TMEM87B: variants seen among roughly 807,000 people sequenced by gnomAD.
TMEM87B encodes transmembrane protein 87B.
In TMEM87B, 83 loss-of-function variants were observed where a neutral mutation model predicts 80.3. The ratio of observed to expected loss-of-function variants is 1.03; its 90% confidence interval spans 0.87 to 1.24. The LOEUF is 1.24. Among genes scored for constraint, TMEM87B ranks in the 50% most tolerant of loss-of-function variants. The pLI, the probability that TMEM87B is intolerant of heterozygous loss-of-function variation, is 0.00. For synonymous variants in TMEM87B, 219 were observed against 230.5 expected (o/e 0.95, Z 0.45); for missense variants, 625 against 674.4 (o/e 0.93, Z 0.81).
At chr2:112,067,098 AT>A (rs1178460593) in intron 4 of TMEM87B, 31 bp downstream of exon 4, 32 of 1,602,706 alleles carry the variant, frequency 2.0e-5, no homozygotes, top group Non-Finnish European at 2.6e-5. Flanking sequence ...GTTAAAGTTT[AT>A]TTTATTCCCA....
intron 9 of TMEM87B, 129 bp downstream of exon 9, chr2:112,086,233 A>T (rs1679142458): frequency 1.6e-6 from 1 of 610,220 alleles, no homozygotes; most frequent in African/African-American, 1.9e-5. Context: ...AATCTACAAG[A>T]ACACATTTTT....
At chr2:112,072,409 C>A (rs147376686) in intron 4 of TMEM87B, among the ~76,000 whole-genome samples, 1 of 152,152 alleles carries the variant, frequency 6.6e-6, no homozygotes, top group Non-Finnish European at 1.5e-5. Flanking sequence ...ATCTGGTCTT[C>A]GGCCTTTTTT....
At chr2:112,064,340 G>C in intron 3 of TMEM87B, 87 bp downstream of exon 3, 1 of 1,120,754 alleles carries the variant, frequency 8.9e-7, no homozygotes, top group Non-Finnish European at 1.3e-6. Context: ...GAGGAGGCTA[G>C]AAATAGAGAT....
intron 5 of TMEM87B, among the ~76,000 whole-genome samples, chr2:112,076,501 G>C (rs185383773): frequency 2.6e-5 from 4 of 151,788 alleles, no homozygotes; most frequent in Admixed American, 2.6e-4. Flanking sequence ...CACCACACCC[G>C]GCTAATTTTT....
intron 17 of TMEM87B, among the ~76,000 whole-genome samples, chr2:112,109,767 T>TTC (rs2104507289): frequency 6.8e-6 from 1 of 146,708 alleles, no homozygotes; most frequent in East Asian, 2.0e-4. Context: ...TACTTTTTTT[T>TTC]TTTTTTTTTT....
rs1008460722 is a variant in TMEM87B at position 112,071,762 on chromosome 2, G to A, written c.451-3150G>A. ...GTTTGACTTCTTCTCTTCCTATTTG[G>A]GTGCCCTTTATTTCTTTCTCTTACT... On this transcript the variant is annotated intron_variant, in intron 4 of 18. Coordinates refer to ENST00000283206, the MANE Select transcript of TMEM87B (RefSeq NM_032824.3). 2.0e-5 allele frequency among the ~76,000 whole-genome samples: 3 copies of A among 152,162 alleles called. 1 individual carries two copies. Among genetic ancestry groups the A allele is most frequent in the African/African-American group, 7.2e-5 (3 of 41,510 alleles).
chr2:112,096,581 G>T (rs1679475303), intron 11 of TMEM87B, among the ~76,000 whole-genome samples: 1 of 152,180 alleles, frequency 6.6e-6, no homozygotes, highest in South Asian at 2.1e-4. Flanking sequence ...AATGGAATTG[G>T]TAGATGACCT....
intron 11 of TMEM87B, among the ~76,000 whole-genome samples, chr2:112,093,300 C>CTAAAAT: frequency 6.6e-6 from 1 of 152,296 alleles, no homozygotes; most frequent in South Asian, 2.1e-4. Flanking sequence ...TGCTACAAAC[C>CTAAAAT]TAAAATTTGT....
chr2:112,056,831 G>C (rs780785294), intron 1 of TMEM87B, among the ~76,000 whole-genome samples: 3 of 152,112 alleles, frequency 2.0e-5, no homozygotes, highest in Non-Finnish European at 4.4e-5. Context: ...CCTAATTTGT[G>C]TGCCAGTTAT....
rs1678982335 is a variant in TMEM87B at position 112,081,127 on chromosome 2, T to C, written c.654+9T>C. ...ATTGGCCCCTAATGATTGTGAGTAT[T>C]TCTCATCATTTTTTCCTTTTTAAAA... On this transcript the variant is annotated intron_variant, in intron 7 of 18. Transcript: ENST00000283206. The C allele has an allele frequency of 6.2e-7, 1 of 1,611,474 alleles. No homozygotes were observed. The highest frequency in any genetic ancestry group is 1.3e-5 in the African/African-American group (1 of 74,898).
At chr2:112,070,362 G>A (rs186161241) in intron 4 of TMEM87B, among the ~76,000 whole-genome samples, 3 of 152,296 alleles carry the variant, frequency 2.0e-5, no homozygotes, top group Admixed American at 2.0e-4. Flanking sequence ...TATAATGTAA[G>A]CAAAGGGTCC....
At chr2:112,086,571 G>A (rs899202189) in intron 9 of TMEM87B, among the ~76,000 whole-genome samples, 3 of 152,144 alleles carry the variant, frequency 2.0e-5, no homozygotes, top group Non-Finnish European at 2.9e-5. Context: ...GAATCACTGG[G>A]CATAACTATG....
Position 112,081,137 on chromosome 2 carries a change from T to G in TMEM87B, c.654+19T>G. ...AATGATTGTGAGTATTTCTCATCAT[T>G]TTTTCCTTTTTAAAAAATGAATTTT... On this transcript the variant is annotated intron_variant, in intron 7 of 18. Coordinates refer to ENST00000283206, the MANE Select transcript of TMEM87B (RefSeq NM_032824.3). 1.2e-6 allele frequency: 2 copies of G among 1,609,988 alleles called. No individual in the cohort carries two copies. Among genetic ancestry groups the G allele is most frequent in the Non-Finnish European group, 1.7e-6 (2 of 1,178,522 alleles).
rs1033748225 is a variant in TMEM87B, at chr2:112,055,376, G to A, written c.-216G>A. On this transcript the variant is annotated 5_prime_UTR_variant, in exon 1 of 19. Transcript: ENST00000283206. ...CAGGCATCTCCCAGCTGCACGCTCG[G>A]GCCCGGCTCAGAGCCCTAAGCCCTG... is the stretch of plus-strand genomic sequence containing the variant. 1.9e-6 allele frequency: 1 copy of A among 539,146 alleles called. No homozygotes were observed. Among genetic ancestry groups the A allele is most frequent in the Non-Finnish European group, 3.2e-6 (1 of 316,514 alleles). 33.4% of individuals were successfully genotyped at this position (539,146 alleles called of 1,614,324 possible).
At chr2:112,097,426 CAG>C in intron 13 of TMEM87B, 135 bp downstream of exon 13, 1 of 890,290 alleles carries the variant, frequency 1.1e-6, no homozygotes, top group South Asian at 1.9e-5. Context: ...CTATTTTTTA[CAG>C]AGTTATAAAA....
At chr2:112,086,807 G>GGA (rs1425827533) in intron 9 of TMEM87B, among the ~76,000 whole-genome samples, 1 of 152,092 alleles carries the variant, frequency 6.6e-6, no homozygotes, top group African/African-American at 2.4e-5. Flanking sequence ...TGGGGTCTCA[G>GGA]GAGCCATGTG....
intron 17 of TMEM87B, among the ~76,000 whole-genome samples, chr2:112,111,769 A>G (rs1679924694): frequency 6.6e-6 from 1 of 152,230 alleles, no homozygotes; most frequent in Non-Finnish European, 1.5e-5. Flanking sequence ...GATATGTATT[A>G]TGAGATATTG....
At chr2:112,065,740 T>C (rs1487218289) in intron 3 of TMEM87B, among the ~76,000 whole-genome samples, 3 of 149,690 alleles carry the variant, frequency 2.0e-5, no homozygotes, top group Non-Finnish European at 4.5e-5. Context: ...CCACACCCCA[T>C]ACCGGAACCA....
intron 4 of TMEM87B, 94 bp downstream of exon 4, chr2:112,067,161 T>C (rs1231233368): frequency 1.3e-6 from 2 of 1,496,086 alleles, no homozygotes; most frequent in African/African-American, 1.4e-5. Flanking sequence ...TTGATAAAGG[T>C]GGTATCTGAC....
Sources: gnomAD v4.1 joint callset for allele counts (sites outside exome capture counted in the v4.1 genomes callset) on GRCh38, gnomAD v4.1.1 for gene constraint, MANE v1.5 for transcripts, NCBI Gene and HGNC (gene_info 2026-07-23, HGNC 2026-07-21) for gene names.